MYO1B: variants seen among roughly 807,000 people sequenced by gnomAD.
MYO1B encodes myosin IB, also known as unconventional myosin-Ib.
Under a neutral mutation model 159.7 loss-of-function variants are expected in MYO1B, and 72 were observed. The observed-to-expected ratio is 0.45, with a 90% confidence interval of 0.37 to 0.55. The LOEUF (loss-of-function observed/expected upper bound fraction) is 0.55. Ranked by LOEUF, MYO1B falls within the 20% of genes least tolerant of loss-of-function variation. MYO1B has a pLI of 0.00. For synonymous variants in MYO1B, 468 were observed against 473.8 expected (o/e 0.99, Z 0.16); for missense variants, 1,062 against 1,364.8 (o/e 0.78, Z 3.50).
intron 6 of MYO1B, 80 bp downstream of exon 6, chr2:191,346,362 T>C: frequency 1.1e-6 from 1 of 889,792 alleles, no homozygotes; most frequent in Non-Finnish European, 1.6e-6. Context: ...TGTTTAATAT[T>C]TCTTAATACA....
At chr2:191,338,688 G>C (rs35340557) in intron 4 of MYO1B, among the ~76,000 whole-genome samples, 51,259 of 151,980 alleles carry the variant, frequency 0.34, 8,903 homozygotes, top group South Asian at 0.5. Context: ...GTTCATCCTG[G>C]ACCAGAACAG....
At chr2:191,362,828 A>G (rs991732082) in intron 9 of MYO1B, among the ~76,000 whole-genome samples, 3 of 152,240 alleles carry the variant, frequency 2.0e-5, no homozygotes, top group Non-Finnish European at 2.9e-5. Context: ...AAATAACACT[A>G]TACTCTGTTT....
Position 191,267,923 on chromosome 2 carries a change from G to A in MYO1B, c.-9-8964G>A, listed in dbSNP as rs55727088. ...TGGAAGGGTAGCGATGATGGAAACC[G>A]TCCTGGACAGAAGAATGGGCTGTGC... On this transcript the variant is annotated intron_variant, in intron 1 of 30. Transcript: ENST00000392318. Among the ~76,000 whole-genome samples the A allele has an allele frequency of 5.0e-3, 758 of 152,290 alleles. 9 individuals carry two copies. Among genetic ancestry groups the A allele is most frequent in the African/African-American group, 0.017 (712 of 41,548 alleles).
At position 191,393,180 on chromosome 2, in the gene MYO1B, A is replaced by T; in HGVS notation, c.2184A>T (p.Lys728Asn). 1 of 1,614,162 alleles carries T rather than the reference A, an allele frequency of 6.2e-7. No individual in the cohort carries two copies. ...GCCGCACACACTTCCTGCTAATGAAAAAAAGCCAAATTGTGATTGCCGCCT... is the reference window on the plus strand; with the variant it reads ...GCCGCACACACTTCCTGCTAATGAATAAAAGCCAAATTGTGATTGCCGCCT... The part of the protein sequence containing the change: ...WKCRTHFLLM[K>N]KSQIVIAAWY... The change falls in exon 20 of 31, where the codon AAA becomes AAT. Residue 728 changes from lysine (K) to asparagine (N), a missense_variant. Physicochemically the swap from Lys to Asn is moderately conservative, Grantham distance 94. Around this residue, in one of 5 missense-constraint regions of MYO1B, gnomAD observed 609 missense variants for 744.4 expected, o/e 0.82. Transcript: ENST00000392318.
At chr2:191,346,617 TG>T in intron 6 of MYO1B, among the ~76,000 whole-genome samples, 1 of 152,198 alleles carries the variant, frequency 6.6e-6, no homozygotes, top group East Asian at 1.9e-4. Flanking sequence ...AAAGATAAAC[TG>T]GGTCTCAAGT....
At chr2:191,339,112 G>T (rs564650649) in intron 4 of MYO1B, among the ~76,000 whole-genome samples, 54 of 152,274 alleles carry the variant, frequency 3.5e-4, no homozygotes, top group Admixed American at 2.1e-3. Flanking sequence ...TCCAAGGCCA[G>T]ACTACAGAGT....
chr2:191,416,250 C>G lies in MYO1B; in HGVS notation c.3287+8C>G, dbSNP rs1371221877. The G allele has an allele frequency of 1.2e-6, 2 of 1,613,980 alleles. No homozygotes were observed. On this transcript the variant is annotated splice_region_variant and intron_variant, in intron 30 of 30. Transcript: ENST00000392318. ...TATTGAGATTTCCGATGAGTACGTT[C>G]ATGTATTGTTTGAAAACCCTTTTTC...
intron 4 of MYO1B, among the ~76,000 whole-genome samples, chr2:191,334,558 C>T (rs1691704315): frequency 6.6e-6 from 1 of 152,086 alleles, no homozygotes; most frequent in African/African-American, 2.4e-5. Context: ...GGTTTCAGTG[C>T]CCAAATCACC....
At chr2:191,268,351 A>C (rs1156370365) in intron 1 of MYO1B, among the ~76,000 whole-genome samples, 1 of 152,158 alleles carries the variant, frequency 6.6e-6, no homozygotes, top group Non-Finnish European at 1.5e-5. Context: ...AAGGACACCA[A>C]TCTCTTCATG....
Position 191,326,768 on chromosome 2 carries a change from ATATGTGTGTG to A in MYO1B, c.252-3165_252-3156del, listed in dbSNP as rs1307319106. Among the ~76,000 whole-genome samples, 225 of 109,208 alleles carry A rather than the reference ATATGTGTGTG, an allele frequency of 2.1e-3. 3 individuals are homozygous for A. Among genetic ancestry groups the A allele is most frequent in the African/African-American group, 8.0e-3 (216 of 27,006 alleles). 71.6% of individuals were successfully genotyped at this position (109,208 alleles called of 152,430 possible). A position where few individuals can be genotyped will look rare whatever the true frequency, so the allele number is the denominator to read the frequency against. On this transcript the variant is annotated intron_variant, in intron 3 of 30. Coordinates refer to ENST00000392318, the MANE Select transcript of MYO1B (RefSeq NM_001130158.3). ...ATCTTCCAAAGCCTTGTGTTTGTAT[ATATGTGTGTG>A]TGTGTGTGTGTGTGTGTGTGTGTGT...
chr2:191,323,845 T>C (rs1190660816), intron 3 of MYO1B, among the ~76,000 whole-genome samples: 1 of 152,154 alleles, frequency 6.6e-6, no homozygotes, highest in Non-Finnish European at 1.5e-5. Flanking sequence ...GAAAGCAACA[T>C]GGCCACTTAT....
intron 3 of MYO1B, among the ~76,000 whole-genome samples, chr2:191,299,873 C>A (rs1180745388): frequency 6.6e-6 from 1 of 152,116 alleles, no homozygotes; most frequent in Non-Finnish European, 1.5e-5. Flanking sequence ...TGATCTAATA[C>A]GTATAAGGTG....
chr2:191,338,696 C>T (rs564944721), intron 4 of MYO1B, among the ~76,000 whole-genome samples: 12 of 152,188 alleles, frequency 7.9e-5, no homozygotes, highest in Non-Finnish European at 1.8e-4. Context: ...TGGACCAGAA[C>T]AGGTTTTCAG....
chr2:191,269,967 A>G (rs948338544), intron 1 of MYO1B, among the ~76,000 whole-genome samples: 3 of 152,190 alleles, frequency 2.0e-5, no homozygotes, highest in African/African-American at 4.8e-5. Flanking sequence ...AAATGTGTTG[A>G]GCTGTTAGAC....
chr2:191,280,984 CA>C (rs1688026549), intron 2 of MYO1B, among the ~76,000 whole-genome samples: 1 of 152,196 alleles, frequency 6.6e-6, no homozygotes, highest in Non-Finnish European at 1.5e-5. Flanking sequence ...CAGCTTCCCC[CA>C]GGAACTCTGG....
chr2:191,387,509 CA>C (rs1195535552), intron 17 of MYO1B, 59 bp downstream of exon 17: 10 of 1,459,376 alleles, frequency 6.9e-6, no homozygotes, highest in Non-Finnish European at 8.6e-6. Flanking sequence ...GAAGGAATAT[CA>C]TTTTTCCCTT....
chr2:191,327,776 A>G (rs1691198514), intron 3 of MYO1B, among the ~76,000 whole-genome samples: 1 of 152,258 alleles, frequency 6.6e-6, no homozygotes. Context: ...GGAACAAGCT[A>G]GAACAAGCTG....
At chr2:191,400,310 GT>G in intron 21 of MYO1B, 71 bp from the exon 22 acceptor site, 34 of 1,474,394 alleles carry the variant, frequency 2.3e-5, no homozygotes, top group Non-Finnish European at 3.1e-5. Flanking sequence ...ATCTCTTCAG[GT>G]TTTTTTTTCA....
At chr2:191,370,650 A>G (rs571211243) in intron 13 of MYO1B, among the ~76,000 whole-genome samples, 5 of 152,196 alleles carry the variant, frequency 3.3e-5, no homozygotes, top group South Asian at 4.1e-4. Flanking sequence ...ACAAGCTACA[A>G]TGAGTATGTC....
Sources: gnomAD v4.1 joint callset for allele counts (sites outside exome capture counted in the v4.1 genomes callset) on GRCh38, gnomAD v4.1.1 for gene constraint, gnomAD v4.1.1 regional missense constraint, MANE v1.5 for transcripts, NCBI Gene and HGNC (gene_info 2026-07-23, HGNC 2026-07-21) for gene names.